Variants in EIF1AY observed in about 807,000 individuals in gnomAD.
EIF1AY encodes the protein eukaryotic translation initiation factor 1A, Y-chromosomal.
For synonymous variants in EIF1AY, 16 were observed against 9.9 expected (o/e 1.62, Z -1.16); for missense variants, 19 against 30.6 (o/e 0.62, Z 0.89).
chrY:20,582,039 G>T lies in EIF1AY; in HGVS notation c.101-551G>T, dbSNP rs771061233. Among the ~76,000 whole-genome samples the T allele has an allele frequency of 2.4e-4, 8 of 33,694 alleles. No individual in the cohort carries two copies. The South Asian group carries it at 4.6e-3, about 19-fold the overall frequency. 90.4% of individuals were successfully genotyped at this position (33,694 alleles called of 37,273 possible). On this transcript the variant is annotated intron_variant, in intron 2 of 6. Coordinates refer to ENST00000361365, the MANE Select transcript of EIF1AY (RefSeq NM_004681.4). ...AGAGGTGAAGAAGTTGACAGATAAAGAATTCTCTGGTTTCCCTAAATAAAG... is the reference window on the plus strand; with the variant it reads ...AGAGGTGAAGAAGTTGACAGATAAATAATTCTCTGGTTTCCCTAAATAAAG...
chrY:20,591,053 G>GT (rs368321106), intron 6 of EIF1AY, among the ~76,000 whole-genome samples: 215 of 31,490 alleles, frequency 6.8e-3, no homozygotes, highest in African/African-American at 0.024. Flanking sequence ...AAATTTTTTA[G>GT]TTTTTTTTTC....
At chrY:20,576,245 C>T (rs2089346836) in intron 1 of EIF1AY, among the ~76,000 whole-genome samples, 1 of 33,680 alleles carries the variant, frequency 3.0e-5, no homozygotes, top group Non-Finnish European at 7.4e-5. Context: ...TGAAGACTTA[C>T]CTATCTGGAC....
chrY:20,589,645 G>T (rs2089357471), intron 6 of EIF1AY, 70 bp downstream of exon 6: 2 of 310,021 alleles, frequency 6.5e-6, no homozygotes, highest in Non-Finnish European at 9.1e-6. Flanking sequence ...AGTCCTTTGG[G>T]ATAGTATTTA....
intron 6 of EIF1AY, among the ~76,000 whole-genome samples, chrY:20,590,994 T>C (rs2124358024): frequency 3.0e-5 from 1 of 33,600 alleles, no homozygotes; most frequent in Admixed American, 2.7e-4. Context: ...AATTGTATTG[T>C]ATATATGCAT....
intron 4 of EIF1AY, chrY:20,587,085 A>G: frequency 3.0e-5 from 1 of 33,147 alleles, no homozygotes; most frequent in Non-Finnish European, 7.4e-5. Flanking sequence ...ATCTGAGGAA[A>G]GTGATTCTTA....
At chrY:20,578,449 C>T in intron 1 of EIF1AY, among the ~76,000 whole-genome samples, 1 of 33,650 alleles carries the variant, frequency 3.0e-5, no homozygotes, top group African/African-American at 1.2e-4. Flanking sequence ...GTAAGGAAAG[C>T]AGGTATGATC....
intron 1 of EIF1AY, among the ~76,000 whole-genome samples, chrY:20,577,857 A>G: frequency 2.4e-4 from 7 of 29,689 alleles, no homozygotes; most frequent in Admixed American, 1.5e-3. Flanking sequence ...AAAAAAAAGA[A>G]GTATAGTAAT....
chrY:20,587,334 G>T, intron 4 of EIF1AY: 1 of 33,405 alleles, frequency 3.0e-5, no homozygotes, highest in Non-Finnish European at 7.4e-5. Context: ...TGTTGCCCAG[G>T]CTGGAGTGCA....
chrY:20,580,073 A>G, intron 2 of EIF1AY, among the ~76,000 whole-genome samples: 1 of 30,418 alleles, frequency 3.3e-5, no homozygotes, highest in Admixed American at 3.1e-4. Flanking sequence ...GTCTCTACAA[A>G]AAAAAAAAAA....
chrY:20,584,516 G>T lies in EIF1AY; in HGVS notation c.247G>T (p.Asp83Tyr), dbSNP rs1603578958. ...AGACATTATATTGGTTGGTCTACGG[G>T]ACTATCAGGTAAAAATAACATTTAA... Reference protein sequence around the residue: ...TSDIILVGLRDYQDNKADVIL... With the variant: ...TSDIILVGLRYYQDNKADVIL... The change falls in exon 4 of 7, where the codon GAC (aspartate) becomes TAC (tyrosine). Residue 83 changes from aspartate (D) to tyrosine (Y), a missense_variant. Physicochemically the swap from Asp to Tyr is radical, Grantham distance 160. Coordinates refer to ENST00000361365, the MANE Select transcript of EIF1AY (RefSeq NM_004681.4). The T allele has an allele frequency of 3.0e-6, 1 of 334,164 alleles. No individual in the cohort carries two copies. The highest frequency in any genetic ancestry group is 9.2e-5 in the Admixed American group (1 of 10,843). 83.4% of individuals were successfully genotyped at this position (334,164 alleles called of 400,897 possible). A position where few individuals can be genotyped will look rare whatever the true frequency, so the allele number is the denominator to read the frequency against.
At chrY:20,584,803 A>G (rs13447345) in intron 4 of EIF1AY, among the ~76,000 whole-genome samples, 1 of 33,798 alleles carries the variant, frequency 3.0e-5, no homozygotes, top group East Asian at 7.8e-4. Context: ...TGCAGTAAAT[A>G]TTTTCTTGCA....
chrY:20,592,018 A>G lies in EIF1AY; in HGVS notation c.430-323A>G, dbSNP rs777460780. On this transcript the variant is annotated intron_variant, in intron 6 of 6. Transcript: ENST00000361365. Reference sequence around the variant, plus strand: ...GACTACATGGACTCAGAATTTGGTTACGACCATATTTATCCCATTTTTAAA... The same window carrying G: ...GACTACATGGACTCAGAATTTGGTTGCGACCATATTTATCCCATTTTTAAA... 1.2e-3 allele frequency among the ~76,000 whole-genome samples: 41 copies of G among 33,701 alleles called. No individual in the cohort carries two copies. The South Asian group carries it at 0.026, about 22-fold the overall frequency. 90.4% of individuals were successfully genotyped at this position (33,701 alleles called of 37,273 possible).
intron 5 of EIF1AY, 59 bp downstream of exon 5, chrY:20,588,164 G>A: frequency 4.3e-6 from 1 of 230,137 alleles, no homozygotes; most frequent in Non-Finnish European, 6.9e-6. Context: ...TTGGTATTTA[G>A]GTGAAGGTAT....
At chrY:20,588,887 T>C in intron 5 of EIF1AY, 1 of 33,913 alleles carries the variant, frequency 2.9e-5, no homozygotes, top group African/African-American at 1.2e-4. Context: ...GGGATAAGCA[T>C]GATCATGATT....
At chrY:20,592,256 GT>G (rs2089359496) in intron 6 of EIF1AY, 84 bp from the exon 7 acceptor site, 1 of 195,520 alleles carries the variant, frequency 5.1e-6, no homozygotes, top group African/African-American at 8.3e-5. Flanking sequence ...TTACTTCACA[GT>G]TTACCACTGG....
At chrY:20,577,163 A>T (rs754100143) in intron 1 of EIF1AY, among the ~76,000 whole-genome samples, 1 of 33,276 alleles carries the variant, frequency 3.0e-5, no homozygotes, top group Non-Finnish European at 7.4e-5. Flanking sequence ...ATGTCCATTA[A>T]ATCTTTGCTG....
intron 1 of EIF1AY, among the ~76,000 whole-genome samples, chrY:20,576,125 A>G (rs2089346760): frequency 3.0e-5 from 1 of 33,489 alleles, no homozygotes; most frequent in Non-Finnish European, 7.4e-5. Context: ...CGCCAGACGG[A>G]AAACGTATAG....
intron 1 of EIF1AY, among the ~76,000 whole-genome samples, chrY:20,578,471 G>T: frequency 8.9e-5 from 3 of 33,721 alleles, no homozygotes; most frequent in Non-Finnish European, 2.2e-4. Context: ...TTGTCCTGAC[G>T]CAGCTAAGTT....
intron 1 of EIF1AY, among the ~76,000 whole-genome samples, chrY:20,577,826 G>C (rs2089347748): frequency 1.0e-4 from 1 of 9,945 alleles, no homozygotes; most frequent in Non-Finnish European, 1.9e-4. Flanking sequence ...GCAAGACTAC[G>C]TCTCAAAAAA....
Sources: gnomAD v4.1 joint callset for allele counts (sites outside exome capture counted in the v4.1 genomes callset) on GRCh38, gnomAD v4.1.1 for gene constraint, MANE v1.5 for transcripts, NCBI Gene and HGNC (gene_info 2026-07-23, HGNC 2026-07-21) for gene names.